Variants in SLC27A6 observed in about 807,000 individuals in gnomAD.
The protein encoded by SLC27A6 is solute carrier family 27 member 6.
A neutral mutation model predicts 63.9 loss-of-function variants in SLC27A6; 74 were observed. The ratio of observed to expected loss-of-function variants is 1.16; its 90% confidence interval spans 0.96 to 1.40. The LOEUF is 1.40. SLC27A6 is among the 40% of genes most tolerant of loss of function. The pLI is 0.00. For missense variants in SLC27A6, 794 were observed against 732.9 expected, an observed-to-expected ratio of 1.08 and a Z score of -0.96; for synonymous variants, 287 against 260.8, an observed-to-expected ratio of 1.10 and a Z score of -0.97.
intron 4 of SLC27A6, among the ~76,000 whole-genome samples, chr5:128,993,484 G>C (rs1227741617): frequency 6.6e-6 from 1 of 152,036 alleles, no homozygotes; most frequent in African/African-American, 2.4e-5. Context: ...AATGTGCTCT[G>C]TTAAGATTAC....
chr5:129,003,091 GTCTT>G (rs1751397097), intron 4 of SLC27A6, among the ~76,000 whole-genome samples: 1 of 152,158 alleles, frequency 6.6e-6, no homozygotes, highest in South Asian at 2.1e-4. Context: ...TCTAGTTTGT[GTCTT>G]TCTTTTTTGA....
intron 9 of SLC27A6, among the ~76,000 whole-genome samples, chr5:129,030,687 C>G (rs935989074): frequency 6.6e-6 from 1 of 151,858 alleles, no homozygotes; most frequent in Non-Finnish European, 1.5e-5. Context: ...TAGATTGACA[C>G]GCACTTATAA....
intron 4 of SLC27A6, among the ~76,000 whole-genome samples, chr5:129,014,392 GA>G (rs1751823941): frequency 6.6e-6 from 1 of 152,170 alleles, no homozygotes; most frequent in Non-Finnish European, 1.5e-5. Context: ...TGTCTTATGG[GA>G]GCTGGCGAGT....
intron 1 of SLC27A6, among the ~76,000 whole-genome samples, chr5:128,978,853 A>G (rs986077104): frequency 3.9e-5 from 6 of 152,162 alleles, no homozygotes; most frequent in African/African-American, 1.4e-4. Flanking sequence ...GTAATACTCT[A>G]TTGTACCTTT....
chr5:129,019,867 T>C (rs1580743708), intron 5 of SLC27A6, among the ~76,000 whole-genome samples: 1 of 152,064 alleles, frequency 6.6e-6, no homozygotes, highest in Non-Finnish European at 1.5e-5. Context: ...GTGTCCTTAA[T>C]TGGTGTTCCT....
intron 4 of SLC27A6, among the ~76,000 whole-genome samples, chr5:129,004,356 G>A (rs1751447269): frequency 6.6e-6 from 1 of 152,050 alleles, no homozygotes; most frequent in Admixed American, 6.6e-5. Context: ...GTCTGGCTCT[G>A]TCTCTCACCT....
intron 4 of SLC27A6, among the ~76,000 whole-genome samples, chr5:129,004,561 A>G (rs909717731): frequency 1.3e-5 from 2 of 152,130 alleles, no homozygotes; most frequent in African/African-American, 2.4e-5. Context: ...ATGTTTATGC[A>G]TGTCCTCTCA....
At chr5:128,970,172 T>A (rs1348681525) in intron 1 of SLC27A6, among the ~76,000 whole-genome samples, 2 of 149,842 alleles carry the variant, frequency 1.3e-5, no homozygotes, top group Non-Finnish European at 3.0e-5. Context: ...TTGCCAGTAT[T>A]TTATTGAGGA....
At chr5:128,975,429 G>A (rs1457107464) in intron 1 of SLC27A6, among the ~76,000 whole-genome samples, 12 of 152,190 alleles carry the variant, frequency 7.9e-5, no homozygotes, top group African/African-American at 2.9e-4. Context: ...GTACCTACAC[G>A]AACCTAGATG....
intron 1 of SLC27A6, among the ~76,000 whole-genome samples, chr5:128,973,960 A>G (rs1348538999): frequency 1.3e-5 from 2 of 152,226 alleles, no homozygotes; most frequent in African/African-American, 2.4e-5. Context: ...TGTTTTCATT[A>G]CGGGAGGAAA....
At chr5:129,002,466 C>G (rs112697305) in intron 4 of SLC27A6, among the ~76,000 whole-genome samples, 3 of 146,884 alleles carry the variant, frequency 2.0e-5, no homozygotes, top group African/African-American at 8.2e-5. Context: ...TGTTCCTTCC[C>G]TCTCTTGTTC....
chr5:129,008,959 C>G (rs1034682053), intron 4 of SLC27A6, among the ~76,000 whole-genome samples: 1 of 150,926 alleles, frequency 6.6e-6, no homozygotes, highest in African/African-American at 2.4e-5. Flanking sequence ...CTCCTCCTCC[C>G]GGGTTCAAGC....
chr5:128,983,289 G>GTTTT (rs1195794733), intron 1 of SLC27A6, among the ~76,000 whole-genome samples: 6,339 of 110,742 alleles, frequency 0.057, 359 homozygotes, highest in African/African-American at 0.068. Context: ...TCTGATCCGG[G>GTTTT]TTTTTTTTTT....
chr5:129,026,242 G>A (rs988606466), intron 6 of SLC27A6, among the ~76,000 whole-genome samples: 9 of 152,118 alleles, frequency 5.9e-5, no homozygotes, highest in African/African-American at 2.2e-4. Context: ...CATAGCAAGT[G>A]GACAATAGCC....
intron 5 of SLC27A6, among the ~76,000 whole-genome samples, chr5:129,021,907 C>G (rs1232504795): frequency 6.6e-6 from 1 of 152,172 alleles, no homozygotes; most frequent in Admixed American, 6.5e-5. Flanking sequence ...CACCCACACA[C>G]AGTTGCCCAA....
chr5:129,006,815 T>C (rs911837809), intron 4 of SLC27A6, among the ~76,000 whole-genome samples: 1 of 152,190 alleles, frequency 6.6e-6, no homozygotes, highest in Non-Finnish European at 1.5e-5. Flanking sequence ...TTTTAAAGTA[T>C]TTTGTGTATG....
chr5:129,014,959 C>T (rs1580739290), intron 4 of SLC27A6, among the ~76,000 whole-genome samples: 1 of 152,128 alleles, frequency 6.6e-6, no homozygotes, highest in Non-Finnish European at 1.5e-5. Flanking sequence ...CACTTTAAAA[C>T]CATTTAAATG....
intron 4 of SLC27A6, among the ~76,000 whole-genome samples, chr5:129,006,829 G>T (rs1204021859): frequency 6.6e-6 from 1 of 152,074 alleles, no homozygotes; most frequent in East Asian, 1.9e-4. Context: ...GTGTATGTGT[G>T]CTTACTGAAT....
At chr5:129,004,721 T>C (rs1011553411) in intron 4 of SLC27A6, among the ~76,000 whole-genome samples, 5 of 152,216 alleles carry the variant, frequency 3.3e-5, no homozygotes, top group African/African-American at 9.6e-5. Flanking sequence ...TACAGATGGA[T>C]ATTACCAAGA....
Sources: gnomAD v4.1 joint callset for allele counts (sites outside exome capture counted in the v4.1 genomes callset) on GRCh38, gnomAD v4.1.1 for gene constraint, MANE v1.5 for transcripts, NCBI Gene and HGNC (gene_info 2026-07-23, HGNC 2026-07-21) for gene names.